The following ZNF385D variants were observed in gnomAD, a reference collection of about 807,000 sequenced individuals.
ZNF385D encodes the protein zinc finger protein 385D, also known as zinc finger protein 659.
A neutral mutation model predicts 35.8 loss-of-function variants in ZNF385D; 15 were observed. The observed-to-expected ratio is 0.42, with a 90% CI of 0.28 to 0.64. The LOEUF (loss-of-function observed/expected upper bound fraction) is 0.64. Ranked by LOEUF, ZNF385D falls within the 30% of genes least tolerant of loss-of-function variation. ZNF385D has a pLI of 0.23. For synonymous variants in ZNF385D, 212 were observed against 186.8 expected (o/e 1.13, Z -1.10); for missense variants, 474 against 494.6 (o/e 0.96, Z 0.39).
intron 2 of ZNF385D, among the ~76,000 whole-genome samples, chr3:22,284,419 T>A (rs976125910): frequency 4.6e-5 from 7 of 152,004 alleles, no homozygotes; most frequent in African/African-American, 1.7e-4. Context: ...CTCGATCTCC[T>A]GACCTTGTGA....
intron 2 of ZNF385D, among the ~76,000 whole-genome samples, chr3:22,263,451 A>G (rs146727973): frequency 2.2e-4 from 34 of 152,106 alleles, no homozygotes; most frequent in South Asian, 8.3e-4. Flanking sequence ...TTCTTTGACT[A>G]TTCCACCTGA....
At chr3:21,768,755 T>C (rs1308342416) in intron 3 of ZNF385D, among the ~76,000 whole-genome samples, 2 of 151,974 alleles carry the variant, frequency 1.3e-5, no homozygotes, top group African/African-American at 2.4e-5. Context: ...CTTCCCTCCA[T>C]TGTTACGAAC....
At chr3:21,670,664 C>G (rs1481403267) in intron 1 of ZNF385D, among the ~76,000 whole-genome samples, 1 of 18,114 alleles carries the variant, frequency 5.5e-5, no homozygotes, top group Non-Finnish European at 1.7e-4. Context: ...CCCCCCCCCC[C>G]CCCCCCCCCA....
Position 21,417,315 on chromosome 3 carries a change from CTATT to C in ZNF385D, c.*3895_*3898del, listed in dbSNP as rs982880514. On this transcript the variant is annotated 3_prime_UTR_variant, in exon 8 of 8. Coordinates refer to ENST00000281523, the MANE Select transcript of ZNF385D (RefSeq NM_024697.3). ...AAATTAAGGGCAAGGCATTAGTTGA[CTATT>C]TAAGTTACCCTGTTGGTCAGGGACA... is the stretch of plus-strand genomic sequence containing the variant. The C allele has an allele frequency of 2.0e-5, 3 of 152,208 alleles. No homozygotes were observed. The highest frequency in any genetic ancestry group is 1.9e-4 in the East Asian group (1 of 5,176). 9.4% of individuals were successfully genotyped at this position (152,208 alleles called of 1,614,324 possible).
intron 3 of ZNF385D, among the ~76,000 whole-genome samples, chr3:21,796,730 G>A (rs2072169875): frequency 6.6e-6 from 1 of 152,166 alleles, no homozygotes; most frequent in Non-Finnish European, 1.5e-5. Context: ...TTGTTGATAA[G>A]GAAAATGAGG....
chr3:21,456,662 C>G (rs1246391308), intron 4 of ZNF385D, among the ~76,000 whole-genome samples: 1 of 152,044 alleles, frequency 6.6e-6, no homozygotes, highest in Non-Finnish European at 1.5e-5. Context: ...GTGCAGTACA[C>G]CAACATGTCA....
intron 2 of ZNF385D, among the ~76,000 whole-genome samples, chr3:22,306,099 A>C (rs562778251): frequency 2.6e-5 from 4 of 152,208 alleles, no homozygotes; most frequent in Admixed American, 6.5e-5. Flanking sequence ...CAAAAGTCAG[A>C]ATTCTCTTTC....
At position 21,419,294 on chromosome 3, in the gene ZNF385D, G is replaced by A. The variant is rs1297722110; in HGVS notation, c.*1920C>T. The A allele has an allele frequency of 6.6e-6, 1 of 150,616 alleles. No homozygotes were observed. Among genetic ancestry groups the A allele is most frequent in the African/African-American group, 2.4e-5 (1 of 40,836 alleles). The allele number at this position is 150,616 out of a possible 1,614,324, so 9.3% of individuals were successfully genotyped here. A position where few individuals can be genotyped will look rare whatever the true frequency, so the allele number is the denominator to read the frequency against. ...TAACAAAGGATATATAAAGCCAACT[G>A]CTTTAAAGATTCATTTATATGACAA... On this transcript the variant is annotated 3_prime_UTR_variant, in exon 8 of 8. Coordinates refer to ENST00000281523, the MANE Select transcript of ZNF385D (RefSeq NM_024697.3).
At chr3:22,176,251 A>T (rs1158324533) in intron 2 of ZNF385D, among the ~76,000 whole-genome samples, 3 of 152,146 alleles carry the variant, frequency 2.0e-5, no homozygotes, top group Non-Finnish European at 4.4e-5. Context: ...TTAGCCACAC[A>T]ACTCAGATAC....
intron 2 of ZNF385D, among the ~76,000 whole-genome samples, chr3:22,222,749 G>A (rs888341036): frequency 6.6e-6 from 1 of 152,168 alleles, no homozygotes; most frequent in Non-Finnish European, 1.5e-5. Flanking sequence ...AAAGCTCTAA[G>A]TAAAATGTGA....
intron 3 of ZNF385D, among the ~76,000 whole-genome samples, chr3:21,995,990 C>A (rs991858834): frequency 5.9e-5 from 9 of 152,044 alleles, no homozygotes; most frequent in Admixed American, 2.0e-4. Context: ...TAGCTGACAT[C>A]GTGATCCTGC....
chr3:22,128,677 T>C (rs1433873886), intron 3 of ZNF385D, among the ~76,000 whole-genome samples: 1 of 152,168 alleles, frequency 6.6e-6, no homozygotes, highest in African/African-American at 2.4e-5. Flanking sequence ...CATTCTTCAA[T>C]TTGTCAATTG....
chr3:21,629,490 A>C (rs62237378), intron 2 of ZNF385D, among the ~76,000 whole-genome samples: 21,066 of 152,200 alleles, frequency 0.14, 1,589 homozygotes, highest in Admixed American at 0.15. Context: ...TGAAAAGAAT[A>C]AAGACATGAA....
At chr3:21,710,374 A>T (rs2068056278) in intron 1 of ZNF385D, among the ~76,000 whole-genome samples, 1 of 152,180 alleles carries the variant, frequency 6.6e-6, no homozygotes, top group Non-Finnish European at 1.5e-5. Context: ...GGGTAGGGTG[A>T]TATGGTTAAG....
At chr3:22,225,013 G>C (rs1698471313) in intron 2 of ZNF385D, among the ~76,000 whole-genome samples, 1 of 147,870 alleles carries the variant, frequency 6.8e-6, no homozygotes, top group African/African-American at 2.6e-5. Flanking sequence ...TTATTCTCAA[G>C]AAAGAAATTC....
chr3:22,208,763 T>C (rs1444617933), intron 2 of ZNF385D, among the ~76,000 whole-genome samples: 2 of 151,830 alleles, frequency 1.3e-5, no homozygotes, highest in Non-Finnish European at 2.9e-5. Context: ...ACAATACTTT[T>C]CTAAAATGTG....
At chr3:22,364,053 G>T (rs1212065770) in intron 2 of ZNF385D, among the ~76,000 whole-genome samples, 1 of 152,030 alleles carries the variant, frequency 6.6e-6, no homozygotes, top group African/African-American at 2.4e-5. Flanking sequence ...CATTATGTTT[G>T]TGATAGTATT....
At chr3:22,143,249 A>C (rs1181209587) in intron 3 of ZNF385D, among the ~76,000 whole-genome samples, 1 of 151,742 alleles carries the variant, frequency 6.6e-6, no homozygotes, top group Non-Finnish European at 1.5e-5. Context: ...CGCCTGGCTA[A>C]TTTTTTTGTT....
chr3:21,730,882 C>G (rs553313002), intron 1 of ZNF385D, among the ~76,000 whole-genome samples: 1 of 152,184 alleles, frequency 6.6e-6, no homozygotes, highest in Non-Finnish European at 1.5e-5. Flanking sequence ...TGGCTGCACC[C>G]TATTCCAGCA....
Sources: allele counts gnomAD v4.1 joint callset (sites outside exome capture counted in the v4.1 genomes callset), GRCh38; gene constraint gnomAD v4.1.1; transcripts MANE v1.5; gene names NCBI Gene and HGNC (gene_info 2026-07-23, HGNC 2026-07-21).